The following IGSF21 variants were observed in gnomAD, a reference collection of about 807,000 sequenced individuals.
IGSF21 encodes the protein immunoglobulin superfamily member 21.
A neutral mutation model predicts 46.8 loss-of-function variants in IGSF21; 28 were observed. That is an observed-to-expected ratio of 0.60 (90% CI 0.44 to 0.82). The LOEUF (loss-of-function observed/expected upper bound fraction) is 0.82. Among genes scored for constraint, IGSF21 ranks in the 40% least tolerant of loss-of-function variants. The pLI, the probability that IGSF21 is intolerant of heterozygous loss-of-function variation, is 0.00. For synonymous variants in IGSF21, 284 were observed against 273.6 expected, an observed-to-expected ratio of 1.04 and a Z score of -0.38; for missense variants, 624 against 665.5, an observed-to-expected ratio of 0.94 and a Z score of 0.69.
At chr1:18,135,397 G>A (rs995666614) in intron 1 of IGSF21, among the ~76,000 whole-genome samples, 1 of 151,570 alleles carries the variant, frequency 6.6e-6, no homozygotes, top group Non-Finnish European at 1.5e-5. Flanking sequence ...ATCTCCTAAT[G>A]CTATCCCTCC....
chr1:18,131,193 T>A (rs564207191), intron 1 of IGSF21, among the ~76,000 whole-genome samples: 1 of 152,322 alleles, frequency 6.6e-6, no homozygotes, highest in South Asian at 2.1e-4. Context: ...GGGGCATACC[T>A]GAGGCAGATT....
At chr1:18,328,472 T>C (rs1302164299) in intron 3 of IGSF21, among the ~76,000 whole-genome samples, 1 of 152,234 alleles carries the variant, frequency 6.6e-6, no homozygotes, top group Non-Finnish European at 1.5e-5. Context: ...AAAAAAATCG[T>C]AAGTTGAACC....
At chr1:18,321,516 C>T (rs866484579) in intron 3 of IGSF21, among the ~76,000 whole-genome samples, 1 of 152,192 alleles carries the variant, frequency 6.6e-6, no homozygotes, top group Non-Finnish European at 1.5e-5. Context: ...GAACAATAGA[C>T]ATTCATTTCT....
chr1:18,247,300 A>C (rs223174), intron 2 of IGSF21, among the ~76,000 whole-genome samples: 59,462 of 151,916 alleles, frequency 0.39, 14,867 homozygotes, highest in African/African-American at 0.71. Context: ...GGGTGCCTGG[A>C]CTGTGCTGGG....
At chr1:18,228,643 A>C (rs1231390294) in intron 2 of IGSF21, among the ~76,000 whole-genome samples, 1 of 152,174 alleles carries the variant, frequency 6.6e-6, no homozygotes, top group Non-Finnish European at 1.5e-5. Flanking sequence ...CCAGTCTTCT[A>C]TCCCTTTGCC....
chr1:18,344,574 G>A (rs565113714), intron 4 of IGSF21, among the ~76,000 whole-genome samples: 1 of 152,236 alleles, frequency 6.6e-6, no homozygotes, highest in South Asian at 2.1e-4. Context: ...TCAGTTTGCA[G>A]AATCCCCTTT....
At chr1:18,285,189 CT>C (rs11346536) in intron 2 of IGSF21, among the ~76,000 whole-genome samples, 107,357 of 140,520 alleles carry the variant, frequency 0.76, 41,261 homozygotes, top group East Asian at 0.96. Flanking sequence ...TTCCCCTTTT[CT>C]TTTTTTTTTT....
At chr1:18,148,276 G>A (rs542245912) in intron 1 of IGSF21, among the ~76,000 whole-genome samples, 8 of 151,746 alleles carry the variant, frequency 5.3e-5, no homozygotes, top group South Asian at 2.1e-4. Context: ...GACTACAGGC[G>A]CCCACCACCA....
intron 2 of IGSF21, among the ~76,000 whole-genome samples, chr1:18,277,782 C>T (rs929647642): frequency 1.1e-4 from 16 of 152,146 alleles, no homozygotes; most frequent in African/African-American, 3.6e-4. Context: ...CTGGAATCTA[C>T]GTACCGTATA....
Position 18,170,130 on chromosome 1 carries a change from G to A in IGSF21, c.71-57768G>A, listed in dbSNP as rs568150505. Among the ~76,000 whole-genome samples the A allele has an allele frequency of 1.7e-4, 26 of 152,304 alleles. No homozygotes were observed. In the South Asian group the frequency reaches 4.8e-3, roughly 28 times the overall value. Reference sequence around the variant, plus strand: ...TGGAGAAGGTAAGGAGGGCATTCCAGTTATAGGGAGCCACATGGGCAAAGG... The same window carrying A: ...TGGAGAAGGTAAGGAGGGCATTCCAATTATAGGGAGCCACATGGGCAAAGG... On this transcript the variant is annotated intron_variant, in intron 1 of 9. Transcript: ENST00000251296.
intron 3 of IGSF21, among the ~76,000 whole-genome samples, chr1:18,292,600 G>A (rs912581174): frequency 6.6e-6 from 1 of 152,168 alleles, no homozygotes; most frequent in Non-Finnish European, 1.5e-5. Flanking sequence ...TGTTCTCTAT[G>A]TGTGTGGCTC....
At chr1:18,350,618 T>G (rs972544869) in intron 4 of IGSF21, among the ~76,000 whole-genome samples, 18 of 151,634 alleles carry the variant, frequency 1.2e-4, no homozygotes, top group African/African-American at 4.1e-4. Context: ...ATTTGCAGAG[T>G]CCAATGTCAA....
At chr1:18,217,457 C>A (rs999226080) in intron 1 of IGSF21, among the ~76,000 whole-genome samples, 4 of 152,204 alleles carry the variant, frequency 2.6e-5, no homozygotes, top group Admixed American at 6.5e-5. Context: ...TGTGGCGGAA[C>A]AAATTGGCCA....
intron 2 of IGSF21, among the ~76,000 whole-genome samples, chr1:18,238,673 G>A (rs10907299): frequency 0.96 from 146,540 of 152,142 alleles, 70,768 homozygotes; most frequent in East Asian, 1. Flanking sequence ...CAGGTGTTTT[G>A]TTAGACCACA....
At chr1:18,284,787 G>T (rs2085196593) in intron 2 of IGSF21, among the ~76,000 whole-genome samples, 3 of 152,208 alleles carry the variant, frequency 2.0e-5, no homozygotes, top group Admixed American at 2.0e-4. Flanking sequence ...TTACAGCCAG[G>T]GAGCACCTCT....
chr1:18,243,883 T>C (rs1003678837), intron 2 of IGSF21, among the ~76,000 whole-genome samples: 2 of 152,140 alleles, frequency 1.3e-5, no homozygotes, highest in Non-Finnish European at 2.9e-5. Flanking sequence ...GACAGAAAGA[T>C]CCAAGAGCAA....
intron 1 of IGSF21, among the ~76,000 whole-genome samples, chr1:18,184,593 G>C (rs1009590598): frequency 6.6e-6 from 1 of 152,132 alleles, no homozygotes; most frequent in African/African-American, 2.4e-5. Context: ...CTTTGGGGAG[G>C]GTGCACCAAG....
At chr1:18,127,143 A>C (rs974242272) in intron 1 of IGSF21, among the ~76,000 whole-genome samples, 2 of 152,140 alleles carry the variant, frequency 1.3e-5, no homozygotes, top group Non-Finnish European at 2.9e-5. Context: ...GCACATGACC[A>C]CACTGAGCCT....
intron 1 of IGSF21, among the ~76,000 whole-genome samples, chr1:18,195,787 C>T (rs902377969): frequency 7.2e-5 from 11 of 152,234 alleles, no homozygotes; most frequent in African/African-American, 1.7e-4. Flanking sequence ...AAACACAGAC[C>T]GGAATGAAAT....
Sources: allele counts gnomAD v4.1 joint callset (sites outside exome capture counted in the v4.1 genomes callset), GRCh38; gene constraint gnomAD v4.1.1; transcripts MANE v1.5; gene names NCBI Gene and HGNC (gene_info 2026-07-23, HGNC 2026-07-21).